Variants in MXD4 observed in about 807,000 individuals in gnomAD.
The protein encoded by MXD4 is Mad4 homolog.
In MXD4, 16 loss-of-function variants were observed where a neutral mutation model predicts 24.5. The ratio of observed to expected loss-of-function variants is 0.65; its 90% CI spans 0.44 to 0.99. The LOEUF (loss-of-function observed/expected upper bound fraction) is 0.99. Ranked by LOEUF, MXD4 falls within the 50% of genes least tolerant of loss-of-function variation. MXD4 has a pLI of 0.00. For synonymous variants in MXD4, 164 were observed against 134.2 expected (o/e 1.22, Z -1.54); for missense variants, 301 against 301.5 (o/e 1.00, Z 0.01).
intron 2 of MXD4, among the ~76,000 whole-genome samples, chr4:2,259,407 C>G (rs1735494199): frequency 6.6e-6 from 1 of 152,230 alleles, no homozygotes; most frequent in Non-Finnish European, 1.5e-5. Context: ...AGGCCACAGC[C>G]ATATGCTCCT....
chr4:2,257,170 G>A (rs1031272033), intron 3 of MXD4, among the ~76,000 whole-genome samples: 1 of 152,208 alleles, frequency 6.6e-6, no homozygotes, highest in East Asian at 1.9e-4. Context: ...TGGTGGGGAG[G>A]CGGAGAACTG....
chr4:2,260,954 GTACGCACCCCAGC>G (rs1735527907), intron 2 of MXD4, among the ~76,000 whole-genome samples: 2 of 152,188 alleles, frequency 1.3e-5, no homozygotes, highest in Admixed American at 1.3e-4. Flanking sequence ...CGGGGGACCT[GTACGCACCCCAGC>G]TTCAGGGCTT....
At position 2,262,013 on chromosome 4, in the gene MXD4, C is replaced by T. The variant is rs1008463054; in HGVS notation, c.-33G>A. The T allele has an allele frequency of 5.1e-6, 6 of 1,180,606 alleles. No individual in the cohort carries two copies. The highest frequency in any genetic ancestry group is 2.6e-5 in the South Asian group (1 of 38,658). The allele number at this position is 1,180,606 out of a possible 1,614,324, so 73.1% of individuals were successfully genotyped here. ...CCCGCGCCCGTCCGCCCCGGGACGG[C>T]GGCGGCCGCTGCCCGGCCCGCTCCG... On this transcript the variant is annotated 5_prime_UTR_variant, in exon 1 of 6. Transcript: ENST00000337190.
chr4:2,258,042 C>T (rs774619906), intron 2 of MXD4, 31 bp from the exon 3 acceptor site: 3 of 1,613,206 alleles, frequency 1.9e-6, no homozygotes, highest in South Asian at 1.1e-5. Context: ...ACAGAGCTCA[C>T]TCTTCTGCCT....
At chr4:2,261,463 G>T (rs1392958394) in intron 2 of MXD4, among the ~76,000 whole-genome samples, 1 of 150,970 alleles carries the variant, frequency 6.6e-6, no homozygotes, top group African/African-American at 2.4e-5. Context: ...AGCGGACCCC[G>T]GCGGCGGGCG....
chr4:2,252,250 C>G (rs2233040), intron 4 of MXD4, among the ~76,000 whole-genome samples, 158 bp downstream of exon 4: 2,550 of 152,322 alleles, frequency 0.017, 79 homozygotes, highest in African/African-American at 0.059. Flanking sequence ...TGGCAAAACC[C>G]ACCAGGCCCC....
chr4:2,259,543 T>C (rs1560115285), intron 2 of MXD4, among the ~76,000 whole-genome samples: 1 of 152,150 alleles, frequency 6.6e-6, no homozygotes, highest in South Asian at 2.1e-4. Flanking sequence ...GGGTCTGTAG[T>C]CAAGAGGGAG....
At chr4:2,257,403 C>T (rs528563194) in intron 3 of MXD4, among the ~76,000 whole-genome samples, 2 of 152,300 alleles carry the variant, frequency 1.3e-5, no homozygotes, top group South Asian at 4.1e-4. Context: ...CCGCTGCCAG[C>T]CCCTAGGCCC....
intron 3 of MXD4, chr4:2,253,761 G>C (rs929478342): frequency 7.2e-5 from 11 of 152,384 alleles, no homozygotes; most frequent in African/African-American, 2.7e-4. Flanking sequence ...GCTGGGTGCA[G>C]CGGTAACAGC....
rs1414879494 is a variant in MXD4 at position 2,249,993 on chromosome 4, A to AAGG, written c.*548_*550dup. ...TAGGTTCTGACACCTGCGAAGTGGG[A>AAGG]AGGACCTTAACCACCCACCTGCCCC... On this transcript the variant is annotated 3_prime_UTR_variant, in exon 6 of 6. Transcript: ENST00000337190. 1 of 154,344 alleles carries AAGG rather than the reference A, an allele frequency of 6.5e-6. No homozygotes were observed. The highest frequency in any genetic ancestry group is 2.4e-5 in the African/African-American group (1 of 41,366). The allele number at this position is 154,344 out of a possible 1,614,324, so 9.6% of individuals were successfully genotyped here.
At position 2,261,775 on chromosome 4, in the gene MXD4, G is replaced by A. The variant is rs959373964; in HGVS notation, c.114C>T (p.Ala38=). The change falls in exon 2 of 6, where the codon GCC becomes GCT. Residue 38 remains alanine (A), a synonymous_variant. Transcript: ENST00000337190. ...ASVLPFDGDF[A]REKTKAAGLV... The stretch of plus-strand genomic sequence containing the variant: ...GGCCGGCCGCCTTTGTTTTCTCCCT[G>A]GCGAAGTCGCCGTCGAAGGGCAGCA... The A allele has an allele frequency of 5.4e-5, 77 of 1,432,458 alleles. No homozygotes were observed. The highest frequency in any genetic ancestry group is 5.8e-5 in the Non-Finnish European group (63 of 1,085,926). 88.7% of individuals were successfully genotyped at this position (1,432,458 alleles called of 1,614,324 possible). A position where few individuals can be genotyped will look rare whatever the true frequency, so the allele number is the denominator to read the frequency against.
intron 3 of MXD4, among the ~76,000 whole-genome samples, 165 bp downstream of exon 3, chr4:2,257,817 G>T (rs1056088811): frequency 6.6e-6 from 1 of 152,252 alleles, no homozygotes; most frequent in Non-Finnish European, 1.5e-5. Context: ...GCCTGAAACA[G>T]ACCTCAGCCT....
rs868531986 is a variant in MXD4, at chr4:2,250,139, C to T, written c.*405G>A. The T allele has an allele frequency of 1.0e-5, 2 of 196,004 alleles. No individual in the cohort carries two copies. Among genetic ancestry groups the T allele is most frequent in the African/African-American group, 2.3e-5 (1 of 42,938 alleles). The allele number at this position is 196,004 out of a possible 1,614,324, so 12.1% of individuals were successfully genotyped here. On this transcript the variant is annotated 3_prime_UTR_variant, in exon 6 of 6. Transcript: ENST00000337190. ...GACAGCCTTGCCTTCCTTCCTTCCT[C>T]GGTCCACTCCTTTCTCCTGGGATCC... is the stretch of plus-strand genomic sequence containing the variant.
Position 2,248,370 on chromosome 4 carries a change from C to G in MXD4, c.*2174G>C, listed in dbSNP as rs1318581242. On this transcript the variant is annotated 3_prime_UTR_variant, in exon 6 of 6. Coordinates refer to ENST00000337190, the MANE Select transcript of MXD4 (RefSeq NM_006454.3). ...TGCTGGTCAGAGATGAGAGCAGAAG[C>G]CCCTAGCTGCCTCAGGCACTGGAGG... The G allele has an allele frequency of 6.6e-6, 1 of 152,440 alleles. No homozygotes were observed. Among genetic ancestry groups the G allele is most frequent in the Non-Finnish European group, 1.5e-5 (1 of 68,142 alleles). 9.4% of individuals were successfully genotyped at this position (152,440 alleles called of 1,614,324 possible). A position where few individuals can be genotyped will look rare whatever the true frequency, so the allele number is the denominator to read the frequency against.
At chr4:2,259,098 C>T in intron 2 of MXD4, 1 of 388,454 alleles carries the variant, frequency 2.6e-6, no homozygotes, top group South Asian at 1.8e-5. Context: ...CTCGGGGCAC[C>T]TCCAGACCCA....
chr4:2,251,595 C>T (rs1045692950), intron 4 of MXD4, among the ~76,000 whole-genome samples: 2 of 152,244 alleles, frequency 1.3e-5, no homozygotes, highest in South Asian at 4.1e-4. Context: ...GTCTCCAGGA[C>T]AGTCCTGCTT....
At chr4:2,257,879 G>T (rs1248932640) in intron 3 of MXD4, 103 bp downstream of exon 3, 5 of 1,468,818 alleles carry the variant, frequency 3.4e-6, no homozygotes, top group Non-Finnish European at 3.8e-6. Flanking sequence ...TGGCAGCACG[G>T]CTGGCCGTGC....
In MXD4 at chr4:2,250,331, T is replaced by C; in HGVS notation, c.*213A>G. On this transcript the variant is annotated 3_prime_UTR_variant, in exon 6 of 6. Transcript: ENST00000337190. ...CCGGATGTGGAAGCTGGGCCCTGCC[T>C]CCTTGCAGGGGACTCTGCCCAGCTG... The C allele has an allele frequency of 1.6e-6, 1 of 640,832 alleles. No individual in the cohort carries two copies. The highest frequency in any genetic ancestry group is 2.6e-6 in the Non-Finnish European group (1 of 381,796). The allele number at this position is 640,832 out of a possible 1,614,324, so 39.7% of individuals were successfully genotyped here.
At chr4:2,252,711 A>T in intron 3 of MXD4, 189 bp from the exon 4 acceptor site, 1 of 541,078 alleles carries the variant, frequency 1.8e-6, no homozygotes, top group Non-Finnish European at 3.3e-6. Context: ...CAACACCCAC[A>T]GCCCCCAGAC....
Sources: gnomAD v4.1 joint callset for allele counts (sites outside exome capture counted in the v4.1 genomes callset) on GRCh38, gnomAD v4.1.1 for gene constraint, MANE v1.5 for transcripts, NCBI Gene and HGNC (gene_info 2026-07-23, HGNC 2026-07-21) for gene names.